The following STAM2 variants were observed in gnomAD, a reference collection of about 807,000 sequenced individuals.
STAM2 encodes the protein signal transducing adapter molecule 2.
STAM2 carries 51 observed loss-of-function variants against 65.6 expected under a neutral mutation model. That is an observed-to-expected ratio of 0.78 (90% CI 0.62 to 0.98). The LOEUF (loss-of-function observed/expected upper bound fraction) is 0.98. Among genes scored for constraint, STAM2 ranks in the 50% least tolerant of loss-of-function variants. The pLI is 0.00. For missense variants in STAM2, 584 were observed against 617.8 expected, an observed-to-expected ratio of 0.95 and a Z score of 0.58; for synonymous variants, 198 against 208.4, an observed-to-expected ratio of 0.95 and a Z score of 0.43.
chr2:152,172,840 A>C (rs1014093499), intron 1 of STAM2, among the ~76,000 whole-genome samples: 10 of 150,748 alleles, frequency 6.6e-5, no homozygotes, highest in African/African-American at 2.2e-4. Context: ...ACTTCATTCC[A>C]GCCTGAGAGA....
In STAM2 at chr2:152,133,209, A is replaced by G. The variant is rs1423204838; in HGVS notation, c.934T>C (p.Ser312Pro). 1 of 1,602,978 alleles carries G rather than the reference A, an allele frequency of 6.2e-7. No individual in the cohort carries two copies. The highest frequency in any genetic ancestry group is 1.3e-5 in the African/African-American group (1 of 74,400). ...QVLQSIDPTD[S>P]KPDSQDLLDL... is the part of the protein sequence containing the mutation. ...AAAAGGTCTTGGGAGTCTGGTTTTG[A>G]ATCTGTTGGATCTATACTCTGAAGT... is the stretch of plus-strand genomic sequence containing the variant. The change falls in exon 10 of 14, where the codon TCA becomes CCA. Residue 312 changes from serine (S) to proline (P), a missense_variant. Coordinates refer to ENST00000263904, the MANE Select transcript of STAM2 (RefSeq NM_005843.6).
At chr2:152,135,464 G>T in intron 8 of STAM2, 45 bp downstream of exon 8, 3 of 1,380,942 alleles carry the variant, frequency 2.2e-6, no homozygotes, top group Non-Finnish European at 3.0e-6. Flanking sequence ...AAATTTAAGT[G>T]AAAAAAACTT....
At chr2:152,171,368 G>T (rs1288701287) in intron 1 of STAM2, among the ~76,000 whole-genome samples, 1 of 151,892 alleles carries the variant, frequency 6.6e-6, no homozygotes, top group Admixed American at 6.6e-5. Context: ...AAAAAAAACT[G>T]GCTGTTAAGT....
chr2:152,152,691 A>G (rs1689468599), intron 1 of STAM2, among the ~76,000 whole-genome samples: 1 of 152,198 alleles, frequency 6.6e-6, no homozygotes, highest in Non-Finnish European at 1.5e-5. Context: ...CCTGTGTCAT[A>G]TGGTAACTCT....
chr2:152,118,446 T>TATATATATATATATATATA lies in STAM2; in HGVS notation c.*2127_*2128insTATATATATATATATATAT, dbSNP rs1560206925. The TATATATATATATATATATA allele has an allele frequency of 8.3e-5, 12 of 144,888 alleles. No homozygotes were observed. Among genetic ancestry groups the TATATATATATATATATATA allele is most frequent in the African/African-American group, 2.3e-4 (9 of 38,862 alleles). The allele number at this position is 144,888 out of a possible 1,614,324, so 9.0% of individuals were successfully genotyped here. On this transcript the variant is annotated 3_prime_UTR_variant, in exon 14 of 14. Transcript: ENST00000263904. Reference sequence around the variant, plus strand: ...CGATGTGCCAATATATACTATATATTTATATATATATATATGTGTCATGTT... The same window carrying TATATATATATATATATATA: ...CGATGTGCCAATATATACTATATATTATATATATATATATATATATATATATATATATATGTGTCATGTT...
chr2:152,131,156 A>G (rs1469282751), intron 11 of STAM2, among the ~76,000 whole-genome samples: 1 of 152,130 alleles, frequency 6.6e-6, no homozygotes, highest in Admixed American at 6.6e-5. Flanking sequence ...ACCACTTCTC[A>G]TAAGAATTCA....
chr2:152,122,721 G>C (rs558700685), intron 13 of STAM2, among the ~76,000 whole-genome samples: 2 of 152,130 alleles, frequency 1.3e-5, no homozygotes, highest in South Asian at 2.1e-4. Flanking sequence ...AAAATGAATA[G>C]AAAGAAAGAT....
intron 7 of STAM2, among the ~76,000 whole-genome samples, chr2:152,136,735 C>A (rs1689162219): frequency 6.6e-6 from 1 of 152,034 alleles, no homozygotes; most frequent in Non-Finnish European, 1.5e-5. Flanking sequence ...CATATTTATC[C>A]ATTCCTGTAG....
intron 1 of STAM2, among the ~76,000 whole-genome samples, chr2:152,168,484 T>C (rs1428932414): frequency 6.6e-6 from 1 of 152,106 alleles, no homozygotes; most frequent in East Asian, 1.9e-4. Flanking sequence ...GCAACACCTC[T>C]GAGGTCCTTT....
chr2:152,165,664 C>G (rs192652406), intron 1 of STAM2, among the ~76,000 whole-genome samples: 1 of 152,268 alleles, frequency 6.6e-6, no homozygotes, highest in African/African-American at 2.4e-5. Context: ...CTGAAGCTTT[C>G]TTACTAGCTT....
intron 11 of STAM2, among the ~76,000 whole-genome samples, chr2:152,131,072 G>T (rs1342025185): frequency 6.6e-6 from 1 of 151,574 alleles, no homozygotes; most frequent in East Asian, 1.9e-4. Flanking sequence ...ACAAATACAA[G>T]GACAAGAAAT....
At position 152,174,210 on chromosome 2, in the gene STAM2, A is replaced by C. The variant is rs1179485673; in HGVS notation, c.40+1393T>G. Among the ~76,000 whole-genome samples the C allele has an allele frequency of 6.6e-5, 10 of 152,230 alleles. No homozygotes were observed. In the East Asian group the frequency reaches 1.9e-3, roughly 29 times the overall value. On this transcript the variant is annotated intron_variant, in intron 1 of 13. Coordinates refer to ENST00000263904, the MANE Select transcript of STAM2 (RefSeq NM_005843.6). ...TTGAAGAAAAGAATTCACGGTTTTT[A>C]AGTTTTAAAATCATTTGTCTAATTC...
chr2:152,159,745 T>G (rs1689624730), intron 1 of STAM2, among the ~76,000 whole-genome samples: 1 of 152,120 alleles, frequency 6.6e-6, no homozygotes, highest in Non-Finnish European at 1.5e-5. Context: ...AGTCTCCCTC[T>G]CCCTCTCTTT....
intron 1 of STAM2, among the ~76,000 whole-genome samples, chr2:152,173,368 A>ATATACATATATATATATG (rs1426353638): frequency 2.0e-5 from 3 of 147,422 alleles, no homozygotes; most frequent in African/African-American, 4.9e-5. Context: ...ACACACATAT[A>ATATACATATATATATATG]TATACATATA....
chr2:152,152,076 G>T (rs1406285472), intron 1 of STAM2, among the ~76,000 whole-genome samples: 1 of 152,052 alleles, frequency 6.6e-6, no homozygotes, highest in Non-Finnish European at 1.5e-5. Context: ...GAGTAGCTAG[G>T]ACTACAGGTG....
chr2:152,152,641 C>A (rs558803482), intron 1 of STAM2, among the ~76,000 whole-genome samples: 1 of 152,224 alleles, frequency 6.6e-6, no homozygotes, highest in South Asian at 2.1e-4. Context: ...GTGGACATTA[C>A]GCCTTCATTG....
intron 12 of STAM2, 191 bp downstream of exon 12, chr2:152,126,035 A>G (rs1205990454): frequency 2.3e-6 from 1 of 436,136 alleles, no homozygotes; most frequent in African/African-American, 2.0e-5. Context: ...GTATTTGTGA[A>G]ATATCAGTAT....
rs138837975 is a variant in STAM2, at chr2:152,156,483, G to A, written c.41-6254C>T. Among the ~76,000 whole-genome samples the A allele has an allele frequency of 6.8e-3, 1,031 of 152,220 alleles. 7 individuals are homozygous for A. Among genetic ancestry groups the A allele is most frequent in the Middle Eastern group, 0.014 (4 of 294 alleles). On this transcript the variant is annotated intron_variant, in intron 1 of 13. Transcript: ENST00000263904. Reference sequence around the variant, plus strand: ...TATATCACATTATTCTGTGTCAAACGCATAGAGAGGTAGAAAATTAAAAGA... The same window carrying A: ...TATATCACATTATTCTGTGTCAAACACATAGAGAGGTAGAAAATTAAAAGA...
intron 11 of STAM2, among the ~76,000 whole-genome samples, chr2:152,126,980 G>T (rs1688974004): frequency 6.6e-6 from 1 of 152,126 alleles, no homozygotes; most frequent in Non-Finnish European, 1.5e-5. Context: ...TCAGCCTCTG[G>T]TTGGCTGCTT....
Sources: allele counts gnomAD v4.1 joint callset (sites outside exome capture counted in the v4.1 genomes callset), GRCh38; gene constraint gnomAD v4.1.1; transcripts MANE v1.5; gene names NCBI Gene and HGNC (gene_info 2026-07-23, HGNC 2026-07-21).